Variants in SYNE1 observed in about 807,000 individuals in gnomAD.
SYNE1 encodes the protein nesprin-1.
In SYNE1, 616 loss-of-function variants were observed where a neutral mutation model predicts 1,111.0. That is an observed-to-expected ratio of 0.55 (90% confidence interval 0.52 to 0.59). The LOEUF (loss-of-function observed/expected upper bound fraction) is 0.59, where lower values mean the gene tolerates loss of function less well. SYNE1 is among the 20% of genes least tolerant of loss of function. SYNE1 has a pLI of 0.00. For missense variants in SYNE1, 10,006 were observed against 10,417.0 expected, an observed-to-expected ratio of 0.96 and a Z score of 1.72; for synonymous variants, 3,855 against 3,825.8, an observed-to-expected ratio of 1.01 and a Z score of -0.28.
chr6:152,453,392 T>G (rs1460168357), intron 25 of SYNE1, 194 bp downstream of exon 25: 1 of 754,336 alleles, frequency 1.3e-6, no homozygotes, highest in African/African-American at 1.8e-5. Context: ...ATGCTGATAA[T>G]AAATAGGAAT....
chr6:152,145,388 T>C, intron 137 of SYNE1: 1 of 1,183,518 alleles, frequency 8.4e-7, no homozygotes, highest in Non-Finnish European at 1.2e-6. Context: ...CTTAACATGC[T>C]AGAGCCACAA....
At position 152,366,089 on chromosome 6, in the gene SYNE1, T is replaced by C. The variant is rs145687125; in HGVS notation, c.9973-1070A>G. 2.0e-3 allele frequency among the ~76,000 whole-genome samples: 298 copies of C among 152,256 alleles called. 3 individuals are homozygous for C. The East Asian group carries it at 0.054, about 28-fold the overall frequency. On this transcript the variant is annotated intron_variant, in intron 62 of 145. Transcript: ENST00000367255. ...TGGCTCACCCTGTAATCCCAGCACTTTGGGAGGCCAAGGTGGGCAGGTCAC... is the reference window on the plus strand; with the variant it reads ...TGGCTCACCCTGTAATCCCAGCACTCTGGGAGGCCAAGGTGGGCAGGTCAC...
Position 152,309,999 on chromosome 6 carries a change from C to A in SYNE1, c.17038G>T (p.Glu5680Ter). 6.2e-7 allele frequency: 1 copy of A among 1,613,876 alleles called. No individual in the cohort carries two copies. The highest frequency in any genetic ancestry group is 8.5e-7 in the Non-Finnish European group (1 of 1,180,032). Residue 5680 changes from glutamate to a stop codon, truncating the protein, a stop_gained, in exon 90 of 146, where the codon GAG becomes TAG. Transcript: ENST00000367255. LOFTEE classifies it high-confidence loss of function. ...SHRQHLLSEM[E>*]SLKPKVQAVQ... Reference sequence around the variant, plus strand: ...GCTTGCACCTTCGGCTTCAGTGACTCCATCTCAGACAACAAATGCTGAAAA... The same window carrying A: ...GCTTGCACCTTCGGCTTCAGTGACTACATCTCAGACAACAAATGCTGAAAA...
intron 3 of SYNE1, among the ~76,000 whole-genome samples, chr6:152,586,275 T>G (rs1296587635): frequency 6.6e-6 from 1 of 152,220 alleles, no homozygotes; most frequent in Non-Finnish European, 1.5e-5. Context: ...CAATTTTAGC[T>G]TAATTTGTTA....
At chr6:152,536,625 A>C (rs772748710) in intron 4 of SYNE1, among the ~76,000 whole-genome samples, 6 of 151,068 alleles carry the variant, frequency 4.0e-5, no homozygotes, top group Non-Finnish European at 8.9e-5. Context: ...TTTACCAACT[A>C]ATTTCTCCTT....
rs763512556 is a variant in SYNE1, at chr6:152,449,507, C to G, written c.3504+26G>C. ...TTCTTCCACTATGAGAAATTTTCCT[C>G]TAGCAAATAATGACCCTGAACTTAC... On this transcript the variant is annotated intron_variant, in intron 28 of 145. Coordinates refer to ENST00000367255, the MANE Select transcript of SYNE1 (RefSeq NM_182961.4). 1.5e-5 allele frequency: 24 copies of G among 1,548,814 alleles called. No homozygotes were observed. In the South Asian group the frequency reaches 2.1e-4, roughly 14 times the overall value.
At position 152,329,838 on chromosome 6, in the gene SYNE1, C is replaced by T. The variant is rs762502490; in HGVS notation, c.14847G>A (p.Lys4949=). The T allele has an allele frequency of 6.2e-7, 1 of 1,614,164 alleles. No individual in the cohort carries two copies. Among genetic ancestry groups the T allele is most frequent in the African/African-American group, 1.3e-5 (1 of 75,044 alleles). ...GCTCCTTGGCCTTTGTGAACTTCTC[C>T]TTTTCCTTGTGACTCAGCGCATTCA... The part of the protein sequence containing the change: ...RIMNALSHKE[K]EKFTKAKELI... The change falls in exon 78 of 146, where the codon AAG becomes AAA. Residue 4949 remains lysine (K), a synonymous_variant. Coordinates refer to ENST00000367255, the MANE Select transcript of SYNE1 (RefSeq NM_182961.4).
At position 152,328,380 on chromosome 6, in the gene SYNE1, T is replaced by TTTTATTTTTTTTATTTA. The variant is rs374503996; in HGVS notation, c.14955+1349_14955+1350insTAAATAAAAAAAATAAA. Among the ~76,000 whole-genome samples the TTTTATTTTTTTTATTTA allele has an allele frequency of 1.3e-3, 173 of 137,548 alleles. 1 individual carries two copies. Among genetic ancestry groups the TTTTATTTTTTTTATTTA allele is most frequent in the African/African-American group, 4.9e-3 (169 of 34,794 alleles). 90.2% of individuals were successfully genotyped at this position (137,548 alleles called of 152,430 possible). ...GCACTATTTTTCTCTTCTTATTTTA[T>TTTTATTTTTTTTATTTA]TTTATTTATTTATTTATTTATTTAT... On this transcript the variant is annotated intron_variant, in intron 78 of 145. Transcript: ENST00000367255.
chr6:152,505,779 A>G (rs2099054766), intron 8 of SYNE1, among the ~76,000 whole-genome samples: 1 of 152,028 alleles, frequency 6.6e-6, no homozygotes, highest in African/African-American at 2.4e-5. Flanking sequence ...AAATTTTAAG[A>G]AACCAAATTA....
chr6:152,325,871 G>T, intron 80 of SYNE1, 87 bp downstream of exon 80: 1 of 1,518,796 alleles, frequency 6.6e-7, no homozygotes, highest in Non-Finnish European at 9.1e-7. Context: ...AAAAGTCCAG[G>T]TAGAAATGAA....
At chr6:152,247,727 T>TTTTATATA (rs1193626300) in intron 105 of SYNE1, among the ~76,000 whole-genome samples, 1 of 117,784 alleles carries the variant, frequency 8.5e-6, no homozygotes, top group Non-Finnish European at 1.7e-5. Flanking sequence ...ATATTTTTTA[T>TTTTATATA]TATATATATA....
chr6:152,485,420 A>ATT, intron 12 of SYNE1, among the ~76,000 whole-genome samples: 1 of 152,250 alleles, frequency 6.6e-6, no homozygotes, highest in Non-Finnish European at 1.5e-5. Flanking sequence ...ACAAATAGAA[A>ATT]TTGCATATAT....
At chr6:152,132,705 G>T (rs1397673604) in intron 143 of SYNE1, among the ~76,000 whole-genome samples, 2 of 152,102 alleles carry the variant, frequency 1.3e-5, no homozygotes, top group African/African-American at 4.8e-5. Context: ...CTTACAGCAG[G>T]GCAAAGCATG....
rs1334249827 is a variant in SYNE1, at chr6:152,359,409, T to C, written c.10349A>G (p.Glu3450Gly). 6.2e-7 allele frequency: 1 copy of C among 1,614,168 alleles called. No individual in the cohort carries two copies. The highest frequency in any genetic ancestry group is 8.5e-7 in the Non-Finnish European group (1 of 1,180,034). ...TTCTGTCATGCCAGCCCCTTTGACT[T>C]CGATGGTCTCCAGCAAGCTGCTGTA... Reference protein sequence around the residue: ...LSYSSLLETIEVKGAGMTEHY... With the variant: ...LSYSSLLETIGVKGAGMTEHY... The change falls in exon 65 of 146, where the codon GAA (glutamate) becomes GGA (glycine). Residue 3450 changes from glutamate to glycine, a missense_variant. Physicochemically the swap from Glu to Gly is moderately conservative, Grantham distance 98. Coordinates refer to ENST00000367255, the MANE Select transcript of SYNE1 (RefSeq NM_182961.4).
Position 152,430,546 on chromosome 6 carries a change from C to T in SYNE1, c.4625G>A (p.Cys1542Tyr), listed in dbSNP as rs1487588055. 1.9e-6 allele frequency: 3 copies of T among 1,614,132 alleles called. No homozygotes were observed. The highest frequency in any genetic ancestry group is 1.1e-5 in the South Asian group (1 of 91,086). Residue 1542 changes from cysteine (C) to tyrosine (Y), a missense_variant, in exon 35 of 146, where the codon TGT (cysteine) becomes TAT (tyrosine). Transcript: ENST00000367255. Reference sequence around the variant, plus strand: ...ATGTCCCAGGATTGTTCCTTCCAGACACTGTGCATGCTCTCGAAGCTCTTC... The same window carrying T: ...ATGTCCCAGGATTGTTCCTTCCAGATACTGTGCATGCTCTCGAAGCTCTTC... ...YGEELREHAQCLEGTILGHLS... is the reference protein window; with the variant it reads ...YGEELREHAQYLEGTILGHLS...
At chr6:152,289,151 C>T (rs539624960) in intron 95 of SYNE1, among the ~76,000 whole-genome samples, 12 of 152,228 alleles carry the variant, frequency 7.9e-5, no homozygotes, top group East Asian at 1.9e-4. Flanking sequence ...TCTTCAGTCC[C>T]ATAACTCTGA....
intron 9 of SYNE1, among the ~76,000 whole-genome samples, chr6:152,504,490 G>A (rs1237506869): frequency 6.6e-6 from 1 of 152,144 alleles, no homozygotes; most frequent in Non-Finnish European, 1.5e-5. Flanking sequence ...GGGTAGGGAG[G>A]AGAGGGGAAA....
intron 126 of SYNE1, among the ~76,000 whole-genome samples, chr6:152,202,796 C>T (rs1051625863): frequency 1.3e-5 from 2 of 152,060 alleles, no homozygotes; most frequent in Non-Finnish European, 2.9e-5. Flanking sequence ...GAGGATATGG[C>T]ATGTCTTACA....
intron 11 of SYNE1, among the ~76,000 whole-genome samples, chr6:152,494,121 T>A (rs1455595483): frequency 6.6e-6 from 1 of 152,210 alleles, no homozygotes; most frequent in Non-Finnish European, 1.5e-5. Context: ...CATGTCTGTA[T>A]GCAGTGACAG....
Sources: allele counts gnomAD v4.1 joint callset (sites outside exome capture counted in the v4.1 genomes callset), GRCh38; gene constraint gnomAD v4.1.1; transcripts MANE v1.5; gene names NCBI Gene and HGNC (gene_info 2026-07-23, HGNC 2026-07-21).